Variants in VCAN observed in about 807,000 individuals in gnomAD.
The protein encoded by VCAN is versican core protein.
A neutral mutation model predicts 245.5 loss-of-function variants in VCAN; 44 were observed. That is an observed-to-expected ratio of 0.18 (90% CI 0.14 to 0.23). The LOEUF (loss-of-function observed/expected upper bound fraction) is 0.23, where lower values mean the gene tolerates loss of function less well. Ranked by LOEUF, VCAN falls within the 10% of genes least tolerant of loss-of-function variation. VCAN has a pLI of 1.00. For synonymous variants in VCAN, 1,413 were observed against 1,437.0 expected (o/e 0.98, Z 0.38); for missense variants, 3,793 against 4,057.9 (o/e 0.93, Z 1.77).
At chr5:83,573,113 T>C (rs1158625957) in intron 13 of VCAN, among the ~76,000 whole-genome samples, 1 of 151,984 alleles carries the variant, frequency 6.6e-6, no homozygotes, top group African/African-American at 2.4e-5. Context: ...TTAGCCAGGA[T>C]GGTCTCAATC....
intron 5 of VCAN, 28 bp downstream of exon 5, chr5:83,493,959 G>T (rs769239194): frequency 6.2e-7 from 1 of 1,613,506 alleles, no homozygotes; most frequent in East Asian, 2.2e-5. Flanking sequence ...CTATATCTTC[G>T]TATGAACTGA....
chr5:83,482,436 C>G (rs923768288), intron 1 of VCAN, among the ~76,000 whole-genome samples: 1 of 152,178 alleles, frequency 6.6e-6, no homozygotes, highest in African/African-American at 2.4e-5. Context: ...CTTAGGATAT[C>G]AAGATCATCC....
chr5:83,541,147 C>A lies in VCAN; in HGVS notation c.8144C>A (p.Ala2715Asp). 6.2e-7 allele frequency: 1 copy of A among 1,614,068 alleles called. No homozygotes were observed. Among genetic ancestry groups the A allele is most frequent in the Non-Finnish European group, 8.5e-7 (1 of 1,180,002 alleles). ...EIEGIKAEAK[A>D]LDDMFESSTL... is the part of the protein sequence containing the mutation. ...GAAGGAATAAAAGCTGAAGCAAAAG[C>A]CCTGGATGACATGTTTGAATCAAGC... is the stretch of plus-strand genomic sequence containing the variant. Residue 2715 changes from alanine (A) to aspartate (D), a missense_variant, in exon 8 of 15, where the codon GCC (alanine) becomes GAC (aspartate). Ala to Asp is a moderately radical substitution (Grantham distance 126). Coordinates refer to ENST00000265077, the MANE Select transcript of VCAN (RefSeq NM_004385.5).
intron 11 of VCAN, 72 bp downstream of exon 11, chr5:83,553,594 A>G: frequency 6.3e-7 from 1 of 1,593,088 alleles, no homozygotes. Context: ...TCTGTGTGCA[A>G]GTGAAAAGAA....
chr5:83,490,282 G>A lies in VCAN; in HGVS notation c.255G>A (p.Val85=). The part of the protein sequence containing the change: ...GKDLKETTVL[V]AQNGNIKIGQ... Reference sequence around the variant, plus strand: ...ATTTGAAAGAGACTACTGTCCTTGTGGCCCAAAATGGAAATATCAAGATTG... The same window carrying A: ...ATTTGAAAGAGACTACTGTCCTTGTAGCCCAAAATGGAAATATCAAGATTG... The change falls in exon 3 of 15, where the codon GTG becomes GTA. Residue 85 remains valine, a synonymous_variant. Coordinates refer to ENST00000265077, the MANE Select transcript of VCAN (RefSeq NM_004385.5). 1 of 1,614,182 alleles carries A rather than the reference G, an allele frequency of 6.2e-7. No homozygotes were observed. The highest frequency in any genetic ancestry group is 2.2e-5 in the East Asian group (1 of 44,870).
At chr5:83,533,357 G>C (rs1295217697) in intron 7 of VCAN, among the ~76,000 whole-genome samples, 1 of 152,110 alleles carries the variant, frequency 6.6e-6, no homozygotes, top group African/African-American at 2.4e-5. Flanking sequence ...TAAAATAGGA[G>C]AAAAGAGTTT....
chr5:83,508,702 A>C (rs900865446), intron 5 of VCAN, among the ~76,000 whole-genome samples: 2 of 152,236 alleles, frequency 1.3e-5, no homozygotes, highest in Non-Finnish European at 2.9e-5. Flanking sequence ...TTAACAGATT[A>C]ATTCTTTTAA....
intron 12 of VCAN, among the ~76,000 whole-genome samples, chr5:83,556,367 T>G (rs942830024): frequency 4.6e-5 from 7 of 152,210 alleles, no homozygotes; most frequent in Non-Finnish European, 1.0e-4. Flanking sequence ...AGTGTATCCC[T>G]TGTTACATTT....
At chr5:83,483,461 C>T in intron 1 of VCAN, 52 bp from the exon 2 acceptor site, 2 of 1,454,580 alleles carry the variant, frequency 1.4e-6, no homozygotes, top group African/African-American at 1.4e-5. Context: ...ATTTATGACC[C>T]ACTTTAAACC....
At chr5:83,494,934 T>G (rs952533740) in intron 5 of VCAN, among the ~76,000 whole-genome samples, 1 of 152,082 alleles carries the variant, frequency 6.6e-6, no homozygotes, top group African/African-American at 2.4e-5. Flanking sequence ...CTGAGGAGAT[T>G]GCGCCACAGC....
At position 83,538,084 on chromosome 5, in the gene VCAN, A is replaced by C. The variant is rs1307116867; in HGVS notation, c.5081A>C (p.Glu1694Ala). The C allele has an allele frequency of 6.2e-7, 1 of 1,613,966 alleles. No homozygotes were observed. The highest frequency in any genetic ancestry group is 8.5e-7 in the Non-Finnish European group (1 of 1,179,980). The change falls in exon 8 of 15, where the codon GAA becomes GCA. Residue 1694 changes from glutamate (E) to alanine (A), a missense_variant. By Grantham distance (107) the Glu-to-Ala change is moderately radical. This residue lies in a region of VCAN where 3,182 missense variants were observed against 3,250.3 expected (regional missense o/e 0.98). Transcript: ENST00000265077. ...GCAACCACCATTTATCCAGTTTCTG[A>C]ACAACCTTCTGCAAAAGTGGTGCCT... The part of the protein sequence containing the change: ...VPATTIYPVS[E>A]QPSAKVVPTK...
chr5:83,552,651 GAC>G (rs145238240), intron 10 of VCAN, among the ~76,000 whole-genome samples: 3 of 151,790 alleles, frequency 2.0e-5, no homozygotes, highest in South Asian at 2.1e-4. Flanking sequence ...CACACACACA[GAC>G]ACACACACAC....
intron 5 of VCAN, among the ~76,000 whole-genome samples, chr5:83,497,630 T>A (rs1044920450): frequency 6.6e-6 from 1 of 152,172 alleles, no homozygotes; most frequent in Non-Finnish European, 1.5e-5. Context: ...ATTAAAATTT[T>A]AAAATGGGAA....
intron 7 of VCAN, among the ~76,000 whole-genome samples, chr5:83,529,961 C>T (rs1746455648): frequency 6.6e-6 from 1 of 152,038 alleles, no homozygotes; most frequent in Admixed American, 6.6e-5. Context: ...TCTTAAAATT[C>T]AAGATCATTT....
chr5:83,499,327 C>T (rs780044427), intron 5 of VCAN, among the ~76,000 whole-genome samples: 4 of 152,082 alleles, frequency 2.6e-5, no homozygotes, highest in Non-Finnish European at 5.9e-5. Context: ...AGAGATAAGA[C>T]CATAAACTTC....
rs761663459 is a variant in VCAN, at chr5:83,553,356, C to T, written c.9494-8C>T. 1.2e-6 allele frequency: 2 copies of T among 1,613,952 alleles called. No individual in the cohort carries two copies. Among genetic ancestry groups the T allele is most frequent in the Non-Finnish European group, 1.7e-6 (2 of 1,179,910 alleles). On this transcript the variant is annotated splice_region_variant and splice_polypyrimidine_tract_variant and intron_variant, in intron 10 of 14. Coordinates refer to ENST00000265077, the MANE Select transcript of VCAN (RefSeq NM_004385.5). ...GCGTTTAATAAGCTCCTGCCTGTTT[C>T]TTCTCAGATACCGAGACATGTGACT...
chr5:83,533,069 A>G (rs1746581144), intron 7 of VCAN, among the ~76,000 whole-genome samples: 1 of 152,198 alleles, frequency 6.6e-6, no homozygotes, highest in South Asian at 2.1e-4. Flanking sequence ...AATACACAAT[A>G]GAGTTTATTT....
At chr5:83,519,241 C>T in intron 6 of VCAN, 108 bp from the exon 7 acceptor site, 2 of 1,128,136 alleles carry the variant, frequency 1.8e-6, no homozygotes, top group East Asian at 2.4e-5. Flanking sequence ...ATTTCTGGGC[C>T]ACCCAAAAAT....
intron 7 of VCAN, chr5:83,535,764 C>T (rs145588732): frequency 6.6e-6 from 1 of 152,250 alleles, no homozygotes; most frequent in Non-Finnish European, 1.5e-5. Context: ...AATGATTTCT[C>T]CTAAACACTT....
Sources: gnomAD v4.1 joint callset for allele counts (sites outside exome capture counted in the v4.1 genomes callset) on GRCh38, gnomAD v4.1.1 for gene constraint, gnomAD v4.1.1 regional missense constraint, MANE v1.5 for transcripts, NCBI Gene and HGNC (gene_info 2026-07-23, HGNC 2026-07-21) for gene names.